CNIH1: variants seen among roughly 807,000 people sequenced by gnomAD.
The protein encoded by CNIH1 is cornichon family member 1.
Under a neutral mutation model 20.2 loss-of-function variants are expected in CNIH1, and 12 were observed. The ratio of observed to expected loss-of-function variants is 0.59; its 90% CI spans 0.38 to 0.96. CNIH1 has a LOEUF of 0.96. Among genes scored for constraint, CNIH1 ranks in the 40% least tolerant of loss-of-function variants. The probability of loss-of-function intolerance (pLI) is 0.00; values close to 1 mark genes in which losing one functional copy is unlikely to be tolerated. For missense variants in CNIH1, 152 were observed against 178.8 expected, an observed-to-expected ratio of 0.85 and a Z score of 0.85; for synonymous variants, 69 against 63.3, an observed-to-expected ratio of 1.09 and a Z score of -0.43.
At chr14:54,433,283 C>G (rs2030985152) in intron 2 of CNIH1, among the ~76,000 whole-genome samples, 1 of 152,144 alleles carries the variant, frequency 6.6e-6, no homozygotes. Flanking sequence ...TGAGGGGAAA[C>G]CATGGCTGTA....
rs1398580266 is a variant in CNIH1, at chr14:54,426,429, T to C, written c.*1385A>G. On this transcript the variant is annotated 3_prime_UTR_variant, in exon 5 of 5. Transcript: ENST00000216416. Reference sequence around the variant, plus strand: ...CATAAACTTCCTTGATCATGTGAAATTTCTATATATTGGTTCTCTTTCTTT... The same window carrying C: ...CATAAACTTCCTTGATCATGTGAAACTTCTATATATTGGTTCTCTTTCTTT... 1 of 152,162 alleles carries C rather than the reference T, an allele frequency of 6.6e-6. No homozygotes were observed. The highest frequency in any genetic ancestry group is 1.5e-5 in the Non-Finnish European group (1 of 68,018). 9.4% of individuals were successfully genotyped at this position (152,162 alleles called of 1,614,324 possible).
rs1351118626 is a variant in CNIH1 at position 54,425,829 on chromosome 14, C to G, written c.*1985G>C. ...ACAAATCCCAACCAGTAAACTTACT[C>G]CTGGAGAATATTCTGGAATAGATTA... On this transcript the variant is annotated 3_prime_UTR_variant, in exon 5 of 5. Transcript: ENST00000216416. The G allele has an allele frequency of 1.3e-5, 2 of 152,094 alleles. No individual in the cohort carries two copies. Among genetic ancestry groups the G allele is most frequent in the Non-Finnish European group, 2.9e-5 (2 of 68,016 alleles). 9.4% of individuals were successfully genotyped at this position (152,094 alleles called of 1,614,324 possible). A position where few individuals can be genotyped will look rare whatever the true frequency, so the allele number is the denominator to read the frequency against.
chr14:54,431,109 G>A (rs759531585), intron 3 of CNIH1, among the ~76,000 whole-genome samples: 5 of 151,986 alleles, frequency 3.3e-5, no homozygotes, highest in Non-Finnish European at 7.4e-5. Flanking sequence ...ACAGACATGA[G>A]CCACTGTACC....
At chr14:54,435,370 C>A (rs2031035062) in intron 2 of CNIH1, among the ~76,000 whole-genome samples, 1 of 152,016 alleles carries the variant, frequency 6.6e-6, no homozygotes, top group South Asian at 2.1e-4. Flanking sequence ...AGAGACACCC[C>A]CATCTCAAAA....
chr14:54,428,182 C>T (rs1220148149), intron 4 of CNIH1, among the ~76,000 whole-genome samples: 1 of 152,158 alleles, frequency 6.6e-6, no homozygotes, highest in Non-Finnish European at 1.5e-5. Flanking sequence ...GGAGGGCTCA[C>T]TTCACGCCAG....
Position 54,432,059 on chromosome 14 carries a change from T to C in CNIH1, c.263+49A>G, listed in dbSNP as rs1263843893. On this transcript the variant is annotated intron_variant, in intron 3 of 4. Transcript: ENST00000216416. ...TAAGATAACCATATCAACCACAGTATATTTAAGTTTTAATTTAAAAAAATA... is the reference window on the plus strand; with the variant it reads ...TAAGATAACCATATCAACCACAGTACATTTAAGTTTTAATTTAAAAAAATA... 3.6e-5 allele frequency: 34 copies of C among 941,222 alleles called. No individual in the cohort carries two copies. The East Asian group carries it at 1.0e-3, about 28-fold the overall frequency. The allele number at this position is 941,222 out of a possible 1,614,324, so 58.3% of individuals were successfully genotyped here. A position where few individuals can be genotyped will look rare whatever the true frequency, so the allele number is the denominator to read the frequency against.
rs779866415 is a variant in CNIH1, at chr14:54,436,359, T to C, written c.150+10A>G. On this transcript the variant is annotated intron_variant, in intron 2 of 4. Coordinates refer to ENST00000216416, the MANE Select transcript of CNIH1 (RefSeq NM_005776.3). Reference sequence around the variant, plus strand: ...TAAAATCTAAAGATAAATCCTATATTATAACTTACGGGATTCAGGGTATTA... The same window carrying C: ...TAAAATCTAAAGATAAATCCTATATCATAACTTACGGGATTCAGGGTATTA... The C allele has an allele frequency of 6.9e-7, 1 of 1,444,836 alleles. No homozygotes were observed. The highest frequency in any genetic ancestry group is 9.7e-7 in the Non-Finnish European group (1 of 1,032,012). The allele number at this position is 1,444,836 out of a possible 1,614,324, so 89.5% of individuals were successfully genotyped here.
intron 3 of CNIH1, among the ~76,000 whole-genome samples, 189 bp downstream of exon 3, chr14:54,431,919 T>C (rs913065956): frequency 6.6e-6 from 1 of 152,202 alleles, no homozygotes; most frequent in Non-Finnish European, 1.5e-5. Context: ...AAAAAATTCC[T>C]TTAAAAATAA....
chr14:54,436,406 TA>T lies in CNIH1; in HGVS notation c.112del (p.Tyr38ThrfsTer5). 2 of 1,570,318 alleles carry T rather than the reference TA, an allele frequency of 1.3e-6. No individual in the cohort carries two copies. The highest frequency in any genetic ancestry group is 8.8e-7 in the Non-Finnish European group (1 of 1,140,516). On this transcript the variant is annotated frameshift_variant, in exon 2 of 5. Transcript: ENST00000216416. LOFTEE classifies it high-confidence loss of function. ...IIAFDELKTD[Y>X]KNPIDQCNTL... ...ATTACACTGGTCTATAGGATTCTTG[TA>T]ATCAGTCTTCAGCTCATCAAATGCT...
chr14:54,438,423 T>C (rs1191088571), intron 1 of CNIH1, among the ~76,000 whole-genome samples: 1 of 152,182 alleles, frequency 6.6e-6, no homozygotes. Context: ...CCACAAAATT[T>C]CCTACAGAAG....
intron 1 of CNIH1, 191 bp from the exon 2 acceptor site, chr14:54,436,628 TATCTC>T (rs1356322305): frequency 1.7e-5 from 10 of 581,376 alleles, no homozygotes; most frequent in Admixed American, 3.2e-5. Context: ...AAAACACTCT[TATCTC>T]AGTATCACTA....
chr14:54,433,188 G>A (rs748493601), intron 2 of CNIH1, among the ~76,000 whole-genome samples: 13 of 152,256 alleles, frequency 8.5e-5, no homozygotes, highest in East Asian at 5.8e-4. Context: ...TCTCCTGTAA[G>A]TCACAGCTAC....
At chr14:54,438,276 G>A (rs1214200134) in intron 1 of CNIH1, among the ~76,000 whole-genome samples, 1 of 152,154 alleles carries the variant, frequency 6.6e-6, no homozygotes, top group Non-Finnish European at 1.5e-5. Flanking sequence ...CACTGTGCCT[G>A]GTCACAGGGA....
At chr14:54,440,933 G>A (rs1241470013) in intron 1 of CNIH1, among the ~76,000 whole-genome samples, 1 of 151,792 alleles carries the variant, frequency 6.6e-6, no homozygotes, top group South Asian at 2.1e-4. Context: ...GCCGCGGGCC[G>A]GCAGAGGTCG....
intron 3 of CNIH1, among the ~76,000 whole-genome samples, chr14:54,431,580 GA>G (rs1262640674): frequency 1.3e-5 from 2 of 152,170 alleles, no homozygotes; most frequent in Non-Finnish European, 2.9e-5. Context: ...ATATACGGCA[GA>G]TATTACTATG....
intron 4 of CNIH1, among the ~76,000 whole-genome samples, chr14:54,429,907 GGA>G (rs1222802501): frequency 6.6e-6 from 1 of 152,210 alleles, no homozygotes; most frequent in East Asian, 1.9e-4. Context: ...CATAATGTCT[GGA>G]GAGACCCTGA....
At chr14:54,434,641 T>C (rs761720075) in intron 2 of CNIH1, among the ~76,000 whole-genome samples, 15 of 152,330 alleles carry the variant, frequency 9.8e-5, no homozygotes, top group Non-Finnish European at 1.9e-4. Context: ...AAAATCCTCA[T>C]CTGATTTCAA....
At chr14:54,428,045 C>T (rs189946266) in intron 4 of CNIH1, among the ~76,000 whole-genome samples, 26 of 152,266 alleles carry the variant, frequency 1.7e-4, no homozygotes, top group African/African-American at 5.3e-4. Flanking sequence ...TAGTTGTCCC[C>T]TATTCCCTTC....
At position 54,436,379 on chromosome 14, in the gene CNIH1, G is replaced by T; in HGVS notation, c.140C>A (p.Thr47Asn). The T allele has an allele frequency of 6.6e-7, 1 of 1,520,412 alleles. No homozygotes were observed. The highest frequency in any genetic ancestry group is 9.1e-7 in the Non-Finnish European group (1 of 1,096,678). The allele number at this position is 1,520,412 out of a possible 1,614,324, so 94.2% of individuals were successfully genotyped here. Reference sequence around the variant, plus strand: ...TATATTATAACTTACGGGATTCAGGGTATTACACTGGTCTATAGGATTCTT... The same window carrying T: ...TATATTATAACTTACGGGATTCAGGTTATTACACTGGTCTATAGGATTCTT... ...DYKNPIDQCN[T>N]LNPLVLPEYL... The change falls in exon 2 of 5, where the codon ACC (threonine) becomes AAC (asparagine). Residue 47 changes from threonine (T) to asparagine (N), a missense_variant. Coordinates refer to ENST00000216416, the MANE Select transcript of CNIH1 (RefSeq NM_005776.3).
Sources: allele counts gnomAD v4.1 joint callset (sites outside exome capture counted in the v4.1 genomes callset), GRCh38; gene constraint gnomAD v4.1.1; transcripts MANE v1.5; gene names NCBI Gene and HGNC (gene_info 2026-07-23, HGNC 2026-07-21).